The following CSMD1 variants were observed in gnomAD, a reference collection of about 807,000 sequenced individuals.
CSMD1 encodes CUB and sushi domain-containing protein 1.
In CSMD1, 213 loss-of-function variants were observed where a neutral mutation model predicts 417.5. The ratio of observed to expected loss-of-function variants is 0.51; its 90% CI spans 0.46 to 0.57. The LOEUF is 0.57. Among genes scored for constraint, CSMD1 ranks in the 20% least tolerant of loss-of-function variants. The pLI, the probability that CSMD1 is intolerant of heterozygous loss-of-function variation, is 0.00. For missense variants in CSMD1, 6,923 were observed against 4,529.7 expected (o/e 1.53, Z -15.17); for synonymous variants, 2,862 against 1,736.8 (o/e 1.65, Z -16.11).
chr8:4,695,812 G>T (rs1033583848), intron 1 of CSMD1, among the ~76,000 whole-genome samples: 4 of 152,086 alleles, frequency 2.6e-5, no homozygotes, highest in Non-Finnish European at 5.9e-5. Flanking sequence ...ATTTTTACCT[G>T]GGCAATTTAA....
At chr8:3,839,988 C>T (rs1803015734) in intron 5 of CSMD1, among the ~76,000 whole-genome samples, 2 of 152,044 alleles carry the variant, frequency 1.3e-5, no homozygotes, top group Non-Finnish European at 2.9e-5. Context: ...TTGAAGGATG[C>T]ATTTAAAGGT....
chr8:3,091,575 T>C lies in CSMD1; in HGVS notation c.7226A>G (p.Tyr2409Cys). The change falls in exon 48 of 70, where the codon TAT (tyrosine) becomes TGT (cysteine). Residue 2409 changes from tyrosine to cysteine, a missense_variant. By Grantham distance (194) the Tyr-to-Cys change is radical. Transcript: ENST00000635120. ...SNFTSRSNQLYLRWSTDHATS... is the reference protein window; with the variant it reads ...SNFTSRSNQLCLRWSTDHATS... ...GGCATGGTCAGTGGACCAGCGGAGA[T>C]ATAACTGATTACTCCTGCTTGTAAA... 1.2e-6 allele frequency: 2 copies of C among 1,610,886 alleles called. No individual in the cohort carries two copies. Among genetic ancestry groups the C allele is most frequent in the East Asian group, 2.2e-5 (1 of 44,682 alleles).
chr8:3,943,939 G>T (rs1000801247), intron 5 of CSMD1, among the ~76,000 whole-genome samples: 4 of 152,066 alleles, frequency 2.6e-5, no homozygotes, highest in African/African-American at 7.2e-5. Flanking sequence ...CACAATGGTG[G>T]AATGTTAGGT....
At chr8:4,566,483 C>T (rs1483043303) in intron 2 of CSMD1, among the ~76,000 whole-genome samples, 1 of 151,124 alleles carries the variant, frequency 6.6e-6, no homozygotes, top group African/African-American at 2.4e-5. Context: ...GAAACCCCGT[C>T]TCTACTAAAA....
intron 2 of CSMD1, among the ~76,000 whole-genome samples, chr8:4,568,155 A>T (rs1030617209): frequency 5.3e-5 from 8 of 152,324 alleles, no homozygotes; most frequent in Non-Finnish European, 1.2e-4. Flanking sequence ...TTTTTAAAAA[A>T]ATATATAAGT....
rs111506318 is a variant in CSMD1 at position 4,034,950 on chromosome 8, C to G, written c.416-2851G>C. Among the ~76,000 whole-genome samples the G allele has an allele frequency of 4.5e-4, 68 of 152,228 alleles. 1 individual carries two copies. The highest frequency in any genetic ancestry group is 1.6e-3 in the African/African-American group (66 of 41,532). On this transcript the variant is annotated intron_variant, in intron 3 of 69. Transcript: ENST00000635120. ...ACACGGAAAATGCAAATGAAACACT[C>G]TGGAAATGGAACTTAGTCTGCGCGA...
chr8:4,900,552 G>T (rs1270247407), intron 1 of CSMD1, among the ~76,000 whole-genome samples: 1 of 152,092 alleles, frequency 6.6e-6, no homozygotes, highest in Non-Finnish European at 1.5e-5. Flanking sequence ...ATGCTGATGT[G>T]CATGCTTCTC....
chr8:3,684,354 C>T lies in CSMD1; in HGVS notation c.1009+24060G>A, dbSNP rs1037364815. Among the ~76,000 whole-genome samples the T allele has an allele frequency of 2.8e-4, 40 of 144,478 alleles. 1 individual carries two copies. The highest frequency in any genetic ancestry group is 7.5e-5 in the Non-Finnish European group (5 of 66,846). The allele number at this position is 144,478 out of a possible 152,430, so 94.8% of individuals were successfully genotyped here. A position where few individuals can be genotyped will look rare whatever the true frequency, so the allele number is the denominator to read the frequency against. ...TTATATATTATATAAAACATACAAG[C>T]ATGTTGTATATTACATAATATATAA... is the stretch of plus-strand genomic sequence containing the variant. On this transcript the variant is annotated intron_variant, in intron 7 of 69. Coordinates refer to ENST00000635120, the MANE Select transcript of CSMD1 (RefSeq NM_033225.6).
chr8:3,982,805 G>A (rs1813983977), intron 5 of CSMD1, among the ~76,000 whole-genome samples: 1 of 152,154 alleles, frequency 6.6e-6, no homozygotes, highest in Admixed American at 6.5e-5. Flanking sequence ...TCCGCTGGAG[G>A]ATTCTGAGGG....
chr8:4,348,949 C>A (rs957797808), intron 3 of CSMD1, among the ~76,000 whole-genome samples: 7 of 152,132 alleles, frequency 4.6e-5, no homozygotes, highest in Admixed American at 3.3e-4. Context: ...ACAGTGCCCT[C>A]AGAATACTCT....
At chr8:3,677,976 C>T (rs1799465344) in intron 7 of CSMD1, among the ~76,000 whole-genome samples, 1 of 152,086 alleles carries the variant, frequency 6.6e-6, no homozygotes, top group African/African-American at 2.4e-5. Flanking sequence ...TGACTTGGTG[C>T]AGGGACTCAC....
At chr8:4,724,482 T>A (rs771566355) in intron 1 of CSMD1, among the ~76,000 whole-genome samples, 3 of 151,822 alleles carry the variant, frequency 2.0e-5, no homozygotes, top group East Asian at 1.9e-4. Flanking sequence ...TGGGAGTTCA[T>A]CTTTATAAGT....
chr8:4,596,128 G>T (rs530824269), intron 2 of CSMD1, among the ~76,000 whole-genome samples: 47 of 152,166 alleles, frequency 3.1e-4, no homozygotes, highest in African/African-American at 1.1e-3. Flanking sequence ...TGTAGTTCCA[G>T]TATCTAAAAA....
At chr8:3,598,022 T>G (rs1177758369) in intron 8 of CSMD1, among the ~76,000 whole-genome samples, 1 of 152,216 alleles carries the variant, frequency 6.6e-6, no homozygotes, top group Non-Finnish European at 1.5e-5. Context: ...CTCTTTATCA[T>G]TTGCCCTACT....
At chr8:4,213,573 C>A (rs919793967) in intron 3 of CSMD1, among the ~76,000 whole-genome samples, 2 of 152,200 alleles carry the variant, frequency 1.3e-5, no homozygotes, top group African/African-American at 4.8e-5. Context: ...TTTGCTCTCC[C>A]ACTTGCAACG....
rs551191730 is a variant in CSMD1, at chr8:3,303,489, G to A, written c.3950+4206C>T. On this transcript the variant is annotated intron_variant, in intron 25 of 69. Coordinates refer to ENST00000635120, the MANE Select transcript of CSMD1 (RefSeq NM_033225.6). ...CAACCTTGATACCTTTTTGATATGCGTCCAATGTTTTTCATACTGTGCGAG... is the reference window on the plus strand; with the variant it reads ...CAACCTTGATACCTTTTTGATATGCATCCAATGTTTTTCATACTGTGCGAG... Among the ~76,000 whole-genome samples the A allele has an allele frequency of 8.0e-4, 121 of 152,180 alleles. 1 individual carries two copies. Among genetic ancestry groups the A allele is most frequent in the Admixed American group, 2.1e-3 (32 of 15,280 alleles).
intron 3 of CSMD1, among the ~76,000 whole-genome samples, chr8:4,077,370 CTT>C (rs1002952559): frequency 2.1e-5 from 3 of 143,042 alleles, no homozygotes; most frequent in Non-Finnish European, 4.6e-5. Context: ...TCAGAGGTAT[CTT>C]TTAATGGTTC....
chr8:3,230,004 C>T (rs1253746813), intron 27 of CSMD1, 36 bp downstream of exon 27: 1 of 1,426,654 alleles, frequency 7.0e-7, no homozygotes, highest in African/African-American at 1.4e-5. Context: ...GCATCCATTC[C>T]TGAATATAAA....
chr8:4,541,887 G>A (rs773506379), intron 2 of CSMD1, among the ~76,000 whole-genome samples: 22 of 152,144 alleles, frequency 1.4e-4, no homozygotes, highest in Non-Finnish European at 2.6e-4. Flanking sequence ...GGAGGCTGGA[G>A]GCGCCGCACC....
Sources: gnomAD v4.1 joint callset for allele counts (sites outside exome capture counted in the v4.1 genomes callset) on GRCh38, gnomAD v4.1.1 for gene constraint, MANE v1.5 for transcripts, NCBI Gene and HGNC (gene_info 2026-07-23, HGNC 2026-07-21) for gene names.